Variants in PLGRKT observed in about 807,000 individuals in gnomAD.
PLGRKT encodes plasminogen receptor (KT).
In PLGRKT, 22 loss-of-function variants were observed where a neutral mutation model predicts 18.5. The ratio of observed to expected loss-of-function variants is 1.19; its 90% confidence interval spans 0.85 to 1.70. The LOEUF is 1.70. Among genes scored for constraint, PLGRKT ranks in the 40% most tolerant of loss-of-function variants. The pLI, the probability that PLGRKT is intolerant of heterozygous loss-of-function variation, is 0.00. For missense variants in PLGRKT, 235 were observed against 174.4 expected (o/e 1.35, Z -1.96); for synonymous variants, 72 against 52.8 (o/e 1.36, Z -1.58).
chr9:5,416,746 G>C (rs565572189), intron 3 of PLGRKT, among the ~76,000 whole-genome samples: 1 of 152,304 alleles, frequency 6.6e-6, no homozygotes, highest in East Asian at 1.9e-4. Context: ...AGAAGTGTCT[G>C]TCCTGGACCC....
chr9:5,422,215 G>A (rs1818591179), intron 3 of PLGRKT, among the ~76,000 whole-genome samples: 1 of 152,184 alleles, frequency 6.6e-6, no homozygotes, highest in South Asian at 2.1e-4. Flanking sequence ...ATCACAGGTT[G>A]ATGGGGAAAC....
At chr9:5,409,504 G>T (rs1382826328) in intron 3 of PLGRKT, among the ~76,000 whole-genome samples, 1 of 152,204 alleles carries the variant, frequency 6.6e-6, no homozygotes, top group Non-Finnish European at 1.5e-5. Flanking sequence ...GGGATCTTGT[G>T]ATCGTGTGAG....
rs1563790070 is a variant in PLGRKT, at chr9:5,424,689, T to TATATATATATATATACAC, written c.81+7207_81+7208insGTGTATATATATATATAT. On this transcript the variant is annotated intron_variant, in intron 3 of 5. Coordinates refer to ENST00000223864, the MANE Select transcript of PLGRKT (RefSeq NM_018465.4). ...TATTTTATATATATATATATATATATATACACACAGGGGGGGGAGAGAGGG... is the reference window on the plus strand; with the variant it reads ...TATTTTATATATATATATATATATATATATATATATATATACACATACACACAGGGGGGGGAGAGAGGG... 7.2e-4 allele frequency among the ~76,000 whole-genome samples: 51 copies of TATATATATATATATACAC among 70,848 alleles called. 1 individual carries two copies. The highest frequency in any genetic ancestry group is 2.4e-3 in the African/African-American group (40 of 16,982). The allele number at this position is 70,848 out of a possible 152,430, so 46.5% of individuals were successfully genotyped here.
intron 3 of PLGRKT, among the ~76,000 whole-genome samples, chr9:5,367,030 TACACACACACACAC>T (rs56259718): frequency 8.9e-6 from 1 of 112,312 alleles, no homozygotes; most frequent in Non-Finnish European, 2.0e-5. Flanking sequence ...TACACACACA[TACACACACACACAC>T]ACACACACAC....
At chr9:5,396,298 T>G (rs139025480) in intron 3 of PLGRKT, among the ~76,000 whole-genome samples, 1 of 151,962 alleles carries the variant, frequency 6.6e-6, no homozygotes, top group East Asian at 1.9e-4. Flanking sequence ...TATTTTTTTA[T>G]TTTTTGAGAC....
intron 3 of PLGRKT, among the ~76,000 whole-genome samples, chr9:5,421,320 T>G (rs1011645993): frequency 1.3e-5 from 2 of 152,202 alleles, no homozygotes; most frequent in Non-Finnish European, 2.9e-5. Flanking sequence ...TGCTCAAAGG[T>G]CACCTTCTGA....
At chr9:5,420,487 G>C (rs898100672) in intron 3 of PLGRKT, among the ~76,000 whole-genome samples, 3 of 152,154 alleles carry the variant, frequency 2.0e-5, no homozygotes. Context: ...GGCAGGTAGT[G>C]GGGACAGGAG....
At chr9:5,432,907 C>A (rs1422977441) in intron 2 of PLGRKT, among the ~76,000 whole-genome samples, 2 of 152,024 alleles carry the variant, frequency 1.3e-5, no homozygotes, top group Admixed American at 1.3e-4. Context: ...CAGCCTCTGC[C>A]CGCCCGCCAC....
At chr9:5,380,925 C>T (rs59341917) in intron 3 of PLGRKT, among the ~76,000 whole-genome samples, 49,126 of 151,888 alleles carry the variant, frequency 0.32, 8,204 homozygotes, top group African/African-American at 0.4. Context: ...TCCCCCCATG[C>T]TGTTCTCATG....
intron 3 of PLGRKT, among the ~76,000 whole-genome samples, chr9:5,383,949 G>A (rs965712885): frequency 6.6e-6 from 1 of 152,204 alleles, no homozygotes; most frequent in Non-Finnish European, 1.5e-5. Flanking sequence ...GATGACTTCA[G>A]CTTCAGATGT....
chr9:5,399,754 C>A (rs778984059), intron 3 of PLGRKT, among the ~76,000 whole-genome samples: 2 of 151,606 alleles, frequency 1.3e-5, no homozygotes, highest in Non-Finnish European at 2.9e-5. Flanking sequence ...TTTGGGAGGC[C>A]GAGGTGGGTG....
Position 5,418,663 on chromosome 9 carries a change from A to G in PLGRKT, c.81+13234T>C, listed in dbSNP as rs1341183548. 1.5e-6 allele frequency: 1 copy of G among 680,614 alleles called. No homozygotes were observed. Among genetic ancestry groups the G allele is most frequent in the Non-Finnish European group, 2.7e-6 (1 of 364,412 alleles). The allele number at this position is 680,614 out of a possible 1,614,324, so 42.2% of individuals were successfully genotyped here. A position where few individuals can be genotyped will look rare whatever the true frequency, so the allele number is the denominator to read the frequency against. ...GGGCAGCAGCGCGTGCTCCTTGGAG[A>G]TGGGCAGGGGCAGCATGTAGCACCC... On this transcript the variant is annotated intron_variant, in intron 3 of 5. Coordinates refer to ENST00000223864, the MANE Select transcript of PLGRKT (RefSeq NM_018465.4). The surrounding 1 kb of genome is among the most constrained non-coding windows in gnomAD (Gnocchi z 4.2).
chr9:5,405,460 T>C (rs1194318443), intron 3 of PLGRKT, among the ~76,000 whole-genome samples: 3 of 152,120 alleles, frequency 2.0e-5, no homozygotes, highest in African/African-American at 7.2e-5. Context: ...GAAACTCATA[T>C]CTACAACTGT....
chr9:5,367,036 C>T (rs1310638140), intron 3 of PLGRKT, among the ~76,000 whole-genome samples: 2 of 144,670 alleles, frequency 1.4e-5, no homozygotes, highest in South Asian at 4.3e-4. Context: ...CACATACACA[C>T]ACACACACAC....
intron 3 of PLGRKT, among the ~76,000 whole-genome samples, chr9:5,374,573 T>G (rs1228436392): frequency 6.6e-6 from 1 of 152,068 alleles, no homozygotes; most frequent in East Asian, 1.9e-4. Context: ...CACTTTAGAG[T>G]CACATGAAAT....
intron 3 of PLGRKT, among the ~76,000 whole-genome samples, chr9:5,393,553 A>G (rs967325481): frequency 6.6e-6 from 1 of 151,884 alleles, no homozygotes; most frequent in African/African-American, 2.4e-5. Flanking sequence ...TCAGCAACAA[A>G]TATGGACCTT....
intron 3 of PLGRKT, among the ~76,000 whole-genome samples, chr9:5,402,595 G>C (rs1361320965): frequency 6.6e-6 from 1 of 151,848 alleles, no homozygotes; most frequent in Non-Finnish European, 1.5e-5. Context: ...CAGTGTGGAG[G>C]GTCAGACTCA....
At chr9:5,377,589 T>C (rs1563771253) in intron 3 of PLGRKT, among the ~76,000 whole-genome samples, 1 of 152,186 alleles carries the variant, frequency 6.6e-6, no homozygotes, top group Non-Finnish European at 1.5e-5. Flanking sequence ...AGAAAGCAGA[T>C]GGGATCAAAA....
At position 5,418,594 on chromosome 9, in the gene PLGRKT, G is replaced by C. The variant is rs1818510367; in HGVS notation, c.81+13303C>G. On this transcript the variant is annotated intron_variant, in intron 3 of 5. Transcript: ENST00000223864. This position sits in a 1 kb window ranked among gnomAD's most constrained non-coding sequence, Gnocchi z 4.2. ...AGCAGGGATGGTCACCACAGTGACG[G>C]ACTTCTGCCGGTTCCTGGGCAGCAG... The C allele has an allele frequency of 2.7e-6, 2 of 746,260 alleles. No individual in the cohort carries two copies. Among genetic ancestry groups the C allele is most frequent in the Admixed American group, 1.8e-5 (1 of 55,454 alleles). The allele number at this position is 746,260 out of a possible 1,614,324, so 46.2% of individuals were successfully genotyped here. A position where few individuals can be genotyped will look rare whatever the true frequency, so the allele number is the denominator to read the frequency against.
Sources: allele counts gnomAD v4.1 joint callset (sites outside exome capture counted in the v4.1 genomes callset), GRCh38; gene constraint gnomAD v4.1.1; non-coding constraint Gnocchi (gnomAD v3.1); transcripts MANE v1.5; gene names NCBI Gene and HGNC (gene_info 2026-07-23, HGNC 2026-07-21).